Variants in LRRC9 observed in about 807,000 individuals in gnomAD.
LRRC9 encodes leucine rich repeat containing 9.
Under a neutral mutation model 63.2 loss-of-function variants are expected in LRRC9, and 122 were observed. The observed-to-expected ratio is 1.93, with a 90% CI of 1.67 to 2.24. The LOEUF (loss-of-function observed/expected upper bound fraction) is 2.24. Among genes scored for constraint, LRRC9 ranks in the 30% most tolerant of loss-of-function variants. The pLI is 0.00. For synonymous variants in LRRC9, 366 were observed against 213.1 expected (o/e 1.72, Z -6.25); for missense variants, 1,071 against 627.7 (o/e 1.71, Z -7.55).
At position 59,964,353 on chromosome 14, in the gene LRRC9, TACTCC is replaced by T. The variant is rs1275957142; in HGVS notation, c.1212-2233_1212-2229del. On this transcript the variant is annotated intron_variant, in intron 10 of 31. Transcript: ENST00000445360. This position sits in a 1 kb window ranked among gnomAD's most constrained non-coding sequence, Gnocchi z 4.4. ...CGCACTGCTCTTGAAGCAAACGCAGTACTCCACCACATAAGTGGTTTTGTTTGTTC... is the reference window on the plus strand; with the variant it reads ...CGCACTGCTCTTGAAGCAAACGCAGTACCACATAAGTGGTTTTGTTTGTTC... 6.6e-6 allele frequency among the ~76,000 whole-genome samples: 1 copy of T among 152,208 alleles called. No individual in the cohort carries two copies. Among genetic ancestry groups the T allele is most frequent in the African/African-American group, 2.4e-5 (1 of 41,458 alleles).
rs1331782438 is a variant in LRRC9 at position 60,003,656 on chromosome 14, T to C, written c.2700T>C (p.Phe900=). 1.4e-6 allele frequency: 1 copy of C among 690,226 alleles called. No homozygotes were observed. The allele number at this position is 690,226 out of a possible 1,614,324, so 42.8% of individuals were successfully genotyped here. Residue 900 remains phenylalanine (F), a synonymous_variant, in exon 21 of 32, where the codon TTT becomes TTC. Transcript: ENST00000445360. The surrounding 1 kb of genome is among the most constrained non-coding windows in gnomAD (Gnocchi z 4.2). ...TAAATTTAGATGGACAACATCTTTT[T>C]GAAATCACAAATTTAGAAAAATTGG...
At chr14:59,951,993 G>C (rs1415821099) in intron 8 of LRRC9, among the ~76,000 whole-genome samples, 2 of 151,820 alleles carry the variant, frequency 1.3e-5, no homozygotes, top group Admixed American at 6.6e-5. Flanking sequence ...GCCTACAGAG[G>C]CAGGCAGGCC....
At chr14:59,975,595 G>A (rs763405125) in intron 13 of LRRC9, among the ~76,000 whole-genome samples, 3 of 152,066 alleles carry the variant, frequency 2.0e-5, no homozygotes, top group Non-Finnish European at 4.4e-5. Flanking sequence ...AGTTCCACAA[G>A]TATTTATTGA....
chr14:60,052,967 T>C lies in LRRC9; in HGVS notation c.3991-98T>C, dbSNP rs545933895. ...ATTACTATAAGTTAGCTATTATTTG[T>C]CCTCTTTGTTGCCTATGCTAAATTT... On this transcript the variant is annotated intron_variant, in intron 29 of 31. Coordinates refer to ENST00000445360, the Ensembl canonical transcript of LRRC9. 5 of 557,164 alleles carry C rather than the reference T, an allele frequency of 9.0e-6. No homozygotes were observed. In the South Asian group the frequency reaches 1.3e-4, roughly 15 times the overall value. The allele number at this position is 557,164 out of a possible 1,614,324, so 34.5% of individuals were successfully genotyped here.
At position 59,966,561 on chromosome 14, in the gene LRRC9, T is replaced by A; in HGVS notation, c.1212-28T>A. ...TAAGGAAAATCTATTATTTTCTTCA[T>A]GTATATTCTGTATGTATTCCCACAT... On this transcript the variant is annotated intron_variant, in intron 10 of 31. Coordinates refer to ENST00000445360, the Ensembl canonical transcript of LRRC9. This position sits in a 1 kb window ranked among gnomAD's most constrained non-coding sequence, Gnocchi z 4.0. The A allele has an allele frequency of 1.7e-6, 1 of 595,432 alleles. No individual in the cohort carries two copies. Among genetic ancestry groups the A allele is most frequent in the Non-Finnish European group, 3.0e-6 (1 of 329,996 alleles). 36.9% of individuals were successfully genotyped at this position (595,432 alleles called of 1,614,324 possible).
chr14:60,045,214 T>C (rs1050179719), intron 29 of LRRC9, among the ~76,000 whole-genome samples: 1 of 152,116 alleles, frequency 6.6e-6, no homozygotes, highest in Non-Finnish European at 1.5e-5. Context: ...GTGAAATGAG[T>C]TTCTTGAAGG....
intron 30 of LRRC9, among the ~76,000 whole-genome samples, chr14:60,055,512 C>T (rs1894203643): frequency 6.6e-6 from 1 of 152,100 alleles, no homozygotes; most frequent in Non-Finnish European, 1.5e-5. Flanking sequence ...CAAATTACCA[C>T]AAATTTAGTG....
intron 29 of LRRC9, among the ~76,000 whole-genome samples, chr14:60,050,851 G>A (rs894781844): frequency 4.6e-5 from 7 of 152,112 alleles, no homozygotes; most frequent in African/African-American, 1.7e-4. Context: ...CAGTTTGCTG[G>A]GGGTCCACCG....
At chr14:59,972,137 A>G (rs922386231) in intron 12 of LRRC9, among the ~76,000 whole-genome samples, 1 of 152,120 alleles carries the variant, frequency 6.6e-6, no homozygotes, top group African/African-American at 2.4e-5. Flanking sequence ...TCCTAAGTAC[A>G]GCTCATACCA....
chr14:60,001,587 C>A (rs949523049), intron 19 of LRRC9, among the ~76,000 whole-genome samples: 2 of 152,076 alleles, frequency 1.3e-5, no homozygotes, highest in African/African-American at 4.8e-5. Context: ...GTGGACAAAA[C>A]ATTTGAGATA....
chr14:59,968,626 A>T (rs969334553), intron 12 of LRRC9, among the ~76,000 whole-genome samples: 3 of 152,158 alleles, frequency 2.0e-5, no homozygotes, highest in African/African-American at 7.2e-5. Context: ...ATTGTACTTT[A>T]TGGAGAAGTA....
intron 28 of LRRC9, among the ~76,000 whole-genome samples, chr14:60,028,458 A>G (rs957365679): frequency 6.6e-6 from 1 of 152,008 alleles, no homozygotes; most frequent in Non-Finnish European, 1.5e-5. Context: ...TAAACTTGTC[A>G]TATGTACTTG....
chr14:59,979,081 G>A (rs1050839159), intron 15 of LRRC9, among the ~76,000 whole-genome samples: 2 of 151,964 alleles, frequency 1.3e-5, no homozygotes, highest in Admixed American at 6.6e-5. Flanking sequence ...TGTATTAATT[G>A]GGAAAATCCT....
chr14:59,939,005 A>G (rs1881419214), intron 7 of LRRC9, among the ~76,000 whole-genome samples: 1 of 114,226 alleles, frequency 8.8e-6, no homozygotes, highest in Admixed American at 8.8e-5. Flanking sequence ...ATACATATAC[A>G]TATATACACA....
At chr14:60,064,153 T>C (rs2140484350), downstream of LRRC9, among the ~76,000 whole-genome samples, 1 of 152,348 alleles carries the variant, frequency 6.6e-6, no homozygotes, top group Middle Eastern at 3.4e-3. Context: ...TTTAAAAATA[T>C]GACCTTCAAT....
chr14:59,993,306 A>C (rs1012411996), intron 17 of LRRC9, among the ~76,000 whole-genome samples: 1 of 152,234 alleles, frequency 6.6e-6, no homozygotes, highest in Non-Finnish European at 1.5e-5. Flanking sequence ...GAGCTCCTGA[A>C]GGAAGCACTA....
Position 59,963,574 on chromosome 14 carries a change from T to C in LRRC9, c.1211+2529T>C, listed in dbSNP as rs192409237. Among the ~76,000 whole-genome samples, 59 of 152,162 alleles carry C rather than the reference T, an allele frequency of 3.9e-4. 1 individual carries two copies. The highest frequency in any genetic ancestry group is 1.3e-3 in the African/African-American group (53 of 41,522). ...TATATAAGTGACTCTGTAAGTTCCT[T>C]TGGGGAAGATATGATGTTTTGTGTC... is the stretch of plus-strand genomic sequence containing the variant. On this transcript the variant is annotated intron_variant, in intron 10 of 31. Transcript: ENST00000445360.
chr14:60,001,975 T>G lies in LRRC9; in HGVS notation c.2539T>G (p.Leu847Val), dbSNP rs1272855354. The change falls in exon 20 of 32, where the codon TTA (leucine) becomes GTA (valine). Residue 847 changes from leucine (L) to valine (V), a missense_variant. Leu to Val is a conservative substitution (Grantham distance 32). Transcript: ENST00000445360. Reference sequence around the variant, plus strand: ...TTTTAAATTTTATTAGTTATCTCTCTTACGGCATTCTAGTACTAAAGAGGA... The same window carrying G: ...TTTTAAATTTTATTAGTTATCTCTCGTACGGCATTCTAGTACTAAAGAGGA... 1.6e-5 allele frequency: 11 copies of G among 684,036 alleles called. No homozygotes were observed. The South Asian group carries it at 1.7e-4, about 11-fold the overall frequency. The allele number at this position is 684,036 out of a possible 1,614,324, so 42.4% of individuals were successfully genotyped here.
At chr14:60,018,330 C>G in intron 24 of LRRC9, 41 bp from the exon 25 acceptor site, 1 of 697,414 alleles carries the variant, frequency 1.4e-6, no homozygotes, top group Non-Finnish European at 2.6e-6. Context: ...ATTTTCCTGT[C>G]CTATTAAAAT....
Sources: allele counts gnomAD v4.1 joint callset (sites outside exome capture counted in the v4.1 genomes callset), GRCh38; gene constraint gnomAD v4.1.1; non-coding constraint Gnocchi (gnomAD v3.1); transcripts MANE v1.5; gene names NCBI Gene and HGNC (gene_info 2026-07-23, HGNC 2026-07-21).